Variants in BRINP3 observed in about 807,000 individuals in gnomAD.
BRINP3 encodes BMP/retinoic acid-inducible neural-specific protein 3.
BRINP3 carries 19 observed loss-of-function variants against 71.0 expected under a neutral mutation model. The ratio of observed to expected loss-of-function variants is 0.27; its 90% CI spans 0.19 to 0.39. The LOEUF is 0.39. Among genes scored for constraint, BRINP3 ranks in the 10% least tolerant of loss-of-function variants. The pLI is 1.00. For missense variants in BRINP3, 959 were observed against 940.8 expected (o/e 1.02, Z -0.25); for synonymous variants, 380 against 337.7 (o/e 1.13, Z -1.37).
chr1:190,294,096 C>T (rs1201401063), intron 2 of BRINP3, among the ~76,000 whole-genome samples: 1 of 151,910 alleles, frequency 6.6e-6, no homozygotes, highest in East Asian at 1.9e-4. Context: ...TCCTCTCTTC[C>T]TCTCTTCACT....
intron 2 of BRINP3, among the ~76,000 whole-genome samples, chr1:190,445,201 G>C (rs934018832): frequency 6.6e-6 from 1 of 151,982 alleles, no homozygotes. Context: ...CTTCTATAAA[G>C]ATTGGTCTAA....
At chr1:190,152,873 C>T (rs945490899) in intron 7 of BRINP3, among the ~76,000 whole-genome samples, 1 of 152,044 alleles carries the variant, frequency 6.6e-6, no homozygotes, top group Non-Finnish European at 1.5e-5. Context: ...AATTTTTATA[C>T]ATACACATAA....
At chr1:190,104,425 CTT>C (rs1176102037) in intron 7 of BRINP3, among the ~76,000 whole-genome samples, 2 of 152,046 alleles carry the variant, frequency 1.3e-5, no homozygotes, top group Non-Finnish European at 2.9e-5. Flanking sequence ...AATGTAAACT[CTT>C]ATTCCTATTA....
chr1:190,242,097 T>C (rs1659155163), intron 4 of BRINP3, among the ~76,000 whole-genome samples: 2 of 151,812 alleles, frequency 1.3e-5, no homozygotes, highest in Admixed American at 6.6e-5. Context: ...TTATTTTTAG[T>C]AAAAAATGAA....
At chr1:190,191,662 G>C (rs1447566016) in intron 6 of BRINP3, among the ~76,000 whole-genome samples, 3 of 151,914 alleles carry the variant, frequency 2.0e-5, no homozygotes, top group East Asian at 3.9e-4. Flanking sequence ...GTCACTGATG[G>C]GCATTTGGGT....
chr1:190,433,463 T>C (rs1310504827), intron 2 of BRINP3, among the ~76,000 whole-genome samples: 4 of 152,202 alleles, frequency 2.6e-5, no homozygotes, highest in African/African-American at 7.2e-5. Context: ...GTGATTCTGC[T>C]ATTTTCTTTG....
intron 7 of BRINP3, among the ~76,000 whole-genome samples, chr1:190,156,513 TA>T (rs1393385447): frequency 1.7e-5 from 2 of 121,098 alleles, no homozygotes; most frequent in Non-Finnish European, 3.7e-5. Context: ...ATCCAGTACA[TA>T]TTTTTTTTTT....
In BRINP3 at chr1:190,225,574, A is replaced by G. The variant is rs144858817; in HGVS notation, c.961+508T>C. 6.3e-3 allele frequency among the ~76,000 whole-genome samples: 962 copies of G among 152,184 alleles called. 7 individuals are homozygous for G. The highest frequency in any genetic ancestry group is 0.011 in the Non-Finnish European group (733 of 67,950). The stretch of plus-strand genomic sequence containing the variant: ...AAAAATCGCAAAGATAGTAAATTTT[A>G]TATGTATGTTTTAACCAAGTAAAAA... On this transcript the variant is annotated intron_variant, in intron 6 of 7. Coordinates refer to ENST00000367462, the MANE Select transcript of BRINP3 (RefSeq NM_199051.3).
At chr1:190,434,285 T>C (rs542045798) in intron 2 of BRINP3, among the ~76,000 whole-genome samples, 1 of 151,994 alleles carries the variant, frequency 6.6e-6, no homozygotes, top group African/African-American at 2.4e-5. Context: ...AATTTTTGTA[T>C]TTTTAATAGG....
At chr1:190,162,307 C>T (rs1289563974) in intron 6 of BRINP3, among the ~76,000 whole-genome samples, 4 of 151,798 alleles carry the variant, frequency 2.6e-5, no homozygotes, top group African/African-American at 9.7e-5. Flanking sequence ...CCTCAGCCTC[C>T]CGAGTAGCTG....
intron 7 of BRINP3, among the ~76,000 whole-genome samples, chr1:190,125,323 C>CA (rs1346927847): frequency 6.6e-6 from 1 of 151,022 alleles, no homozygotes; most frequent in Admixed American, 6.6e-5. Flanking sequence ...TATATATATA[C>CA]ATATTACATA....
intron 2 of BRINP3, among the ~76,000 whole-genome samples, chr1:190,449,437 A>T (rs1045528268): frequency 2.0e-5 from 3 of 151,970 alleles, no homozygotes; most frequent in South Asian, 4.1e-4. Context: ...TAAGATATTT[A>T]TTTCTTTCGT....
chr1:190,384,900 T>A (rs890553845), intron 2 of BRINP3, among the ~76,000 whole-genome samples: 1 of 151,894 alleles, frequency 6.6e-6, no homozygotes, highest in Non-Finnish European at 1.5e-5. Context: ...AACAGAGCCC[T>A]CAGAAATAAT....
At chr1:190,451,257 A>C (rs990936617) in intron 2 of BRINP3, among the ~76,000 whole-genome samples, 1 of 152,182 alleles carries the variant, frequency 6.6e-6, no homozygotes, top group Admixed American at 6.5e-5. Context: ...ATTTTATGAT[A>C]ATGAAAGTTG....
Position 190,430,062 on chromosome 1 carries a change from G to A in BRINP3, c.236+24593C>T, listed in dbSNP as rs189892831. On this transcript the variant is annotated intron_variant, in intron 2 of 7. Coordinates refer to ENST00000367462, the MANE Select transcript of BRINP3 (RefSeq NM_199051.3). ...TCTTGACATTTGAAGGTTAGGACACGTCTAAGAAAAACTTGTTCACTTTAA... is the reference window on the plus strand; with the variant it reads ...TCTTGACATTTGAAGGTTAGGACACATCTAAGAAAAACTTGTTCACTTTAA... 7.2e-5 allele frequency among the ~76,000 whole-genome samples: 11 copies of A among 152,188 alleles called. No homozygotes were observed. In the East Asian group the frequency reaches 9.6e-4, roughly 13 times the overall value.
In BRINP3 at chr1:190,235,767, T is replaced by C. The variant is rs574479931; in HGVS notation, c.619-1290A>G. On this transcript the variant is annotated intron_variant, in intron 4 of 7. Transcript: ENST00000367462. ...TTCATTCTCTTGGGACTACTTGGACTAACCTACTTAAAGTGAATACCCCAA... is the reference window on the plus strand; with the variant it reads ...TTCATTCTCTTGGGACTACTTGGACCAACCTACTTAAAGTGAATACCCCAA... Among the ~76,000 whole-genome samples the C allele has an allele frequency of 1.2e-4, 19 of 152,174 alleles. No homozygotes were observed. The South Asian group carries it at 3.7e-3, about 30-fold the overall frequency.
chr1:190,381,895 G>T (rs977471922), intron 2 of BRINP3, among the ~76,000 whole-genome samples: 1 of 152,016 alleles, frequency 6.6e-6, no homozygotes, highest in East Asian at 1.9e-4. Context: ...ATATGGTAAT[G>T]TATTTGTCAG....
At chr1:190,458,341 G>C (rs1324792497) in intron 1 of BRINP3, among the ~76,000 whole-genome samples, 1 of 152,026 alleles carries the variant, frequency 6.6e-6, no homozygotes, top group African/African-American at 2.4e-5. Flanking sequence ...TCCCAATAAA[G>C]TTATACTGAA....
chr1:190,286,206 C>T (rs2102950744), intron 2 of BRINP3, among the ~76,000 whole-genome samples: 1 of 152,186 alleles, frequency 6.6e-6, no homozygotes, highest in South Asian at 2.1e-4. Context: ...CTCTGATGTG[C>T]AATCATCTAC....
Sources: gnomAD v4.1 joint callset for allele counts (sites outside exome capture counted in the v4.1 genomes callset) on GRCh38, gnomAD v4.1.1 for gene constraint, MANE v1.5 for transcripts, NCBI Gene and HGNC (gene_info 2026-07-23, HGNC 2026-07-21) for gene names.